Variants in FTO observed in about 807,000 individuals in gnomAD.
The protein encoded by FTO is alpha-ketoglutarate-dependent dioxygenase FTO.
A neutral mutation model predicts 63.9 loss-of-function variants in FTO; 47 were observed. That is an observed-to-expected ratio of 0.74 (90% confidence interval 0.58 to 0.94). The LOEUF is 0.94. FTO is among the 40% of genes least tolerant of loss of function. The probability of loss-of-function intolerance (pLI) is 0.00; values close to 1 mark genes in which losing one functional copy is unlikely to be tolerated. For missense variants in FTO, 562 were observed against 618.1 expected (o/e 0.91, Z 0.96); for synonymous variants, 207 against 224.4 (o/e 0.92, Z 0.69).
intron 8 of FTO, among the ~76,000 whole-genome samples, chr16:54,006,136 A>G (rs578139512): frequency 1.7e-3 from 257 of 152,328 alleles, no homozygotes; most frequent in Non-Finnish European, 3.4e-3. Flanking sequence ...GGGATTTTTT[A>G]GGAGAAAATT....
chr16:53,955,035 A>G (rs1280412896), intron 8 of FTO, among the ~76,000 whole-genome samples: 2 of 152,102 alleles, frequency 1.3e-5, no homozygotes, highest in Non-Finnish European at 2.9e-5. Flanking sequence ...CCAGTAAGAA[A>G]GTTTCTCCTG....
chr16:53,941,404 A>T (rs2082525743), intron 8 of FTO, among the ~76,000 whole-genome samples: 1 of 152,260 alleles, frequency 6.6e-6, no homozygotes, highest in Non-Finnish European at 1.5e-5. Flanking sequence ...GTCTGCCCTA[A>T]GGGAACTTAT....
intron 1 of FTO, among the ~76,000 whole-genome samples, chr16:53,713,778 A>G (rs2075831066): frequency 6.6e-6 from 1 of 152,220 alleles, no homozygotes; most frequent in Non-Finnish European, 1.5e-5. Flanking sequence ...TTTTAAGTGT[A>G]CAATAAAGTA....
intron 1 of FTO, 100 bp downstream of exon 1, chr16:53,704,329 A>T: frequency 8.7e-7 from 1 of 1,155,190 alleles, no homozygotes; most frequent in African/African-American, 1.5e-5. Context: ...GCGCGGTGTT[A>T]AACTAAGGGA....
chr16:53,974,208 G>GT, intron 8 of FTO, among the ~76,000 whole-genome samples: 1 of 152,224 alleles, frequency 6.6e-6, no homozygotes, highest in Admixed American at 6.5e-5. Context: ...CTACACCTCA[G>GT]TTTTTTTCAC....
At chr16:54,053,746 C>T (rs577811265) in intron 8 of FTO, among the ~76,000 whole-genome samples, 1 of 152,192 alleles carries the variant, frequency 6.6e-6, no homozygotes. Context: ...GGTTTCCTTA[C>T]ATCCCTCCCC....
chr16:54,052,907 G>A (rs1351506955), intron 8 of FTO, among the ~76,000 whole-genome samples: 1 of 152,032 alleles, frequency 6.6e-6, no homozygotes, highest in East Asian at 1.9e-4. Context: ...TCACCCTGTT[G>A]GCCAGGCTGG....
At chr16:53,789,806 G>GTA (rs1567987992) in intron 1 of FTO, among the ~76,000 whole-genome samples, 1 of 148,784 alleles carries the variant, frequency 6.7e-6, no homozygotes, top group African/African-American at 2.5e-5. Context: ...GTATACATGT[G>GTA]TACATGTATA....
chr16:53,995,526 G>A (rs1157387093), intron 8 of FTO, among the ~76,000 whole-genome samples: 1 of 152,150 alleles, frequency 6.6e-6, no homozygotes, highest in Non-Finnish European at 1.5e-5. Flanking sequence ...TGATATTTTG[G>A]TTTCACAGCC....
At chr16:53,919,497 C>A (rs553644550) in intron 7 of FTO, among the ~76,000 whole-genome samples, 3 of 152,052 alleles carry the variant, frequency 2.0e-5, no homozygotes, top group Non-Finnish European at 4.4e-5. Context: ...GAAAAGAATT[C>A]ATTATACAAA....
At chr16:54,063,536 T>A (rs1262197025) in intron 8 of FTO, 2 of 152,178 alleles carry the variant, frequency 1.3e-5, no homozygotes. Context: ...AGATCACAAA[T>A]GCCGTATGGT....
chr16:54,041,782 G>A (rs1386255511), intron 8 of FTO, among the ~76,000 whole-genome samples: 1 of 152,192 alleles, frequency 6.6e-6, no homozygotes, highest in African/African-American at 2.4e-5. Flanking sequence ...GCATTGCATA[G>A]TAAAGAATTG....
At chr16:53,856,761 C>A (rs1427534103) in intron 4 of FTO, among the ~76,000 whole-genome samples, 1 of 150,420 alleles carries the variant, frequency 6.6e-6, no homozygotes. Context: ...AAAAAAAAAA[C>A]AAGCATGGAG....
At chr16:54,109,287 G>C (rs1402726007) in intron 8 of FTO, among the ~76,000 whole-genome samples, 1 of 152,216 alleles carries the variant, frequency 6.6e-6, no homozygotes, top group African/African-American at 2.4e-5. Flanking sequence ...GTCAGAGCTT[G>C]CATGCAAAGG....
intron 1 of FTO, among the ~76,000 whole-genome samples, chr16:53,737,904 C>T (rs752142911): frequency 6.6e-6 from 1 of 152,066 alleles, no homozygotes; most frequent in Non-Finnish European, 1.5e-5. Context: ...TTCCACTTAG[C>T]ATGATGTTTT....
Position 53,984,544 on chromosome 16 carries a change from C to T in FTO, c.1364+50435C>T, listed in dbSNP as rs151004891. ...CCATGTTGCCTAGCCTGGTCTCAAA[C>T]TCCTGGGCTCAAGCCATCCTCCTGC... is the stretch of plus-strand genomic sequence containing the variant. On this transcript the variant is annotated intron_variant, in intron 8 of 8. Coordinates refer to ENST00000471389, the MANE Select transcript of FTO (RefSeq NM_001080432.3). Among the ~76,000 whole-genome samples, 388 of 152,050 alleles carry T rather than the reference C, an allele frequency of 2.6e-3. 1 individual carries two copies. The highest frequency in any genetic ancestry group is 5.8e-3 in the South Asian group (28 of 4,806).
Position 54,050,351 on chromosome 16 carries a change from T to C in FTO, c.1365-61411T>C, listed in dbSNP as rs533585269. On this transcript the variant is annotated intron_variant, in intron 8 of 8. Coordinates refer to ENST00000471389, the MANE Select transcript of FTO (RefSeq NM_001080432.3). ...GCCTTCTGTCATGCTGATGAGATTC[T>C]TCTAACTATCCATCTTGGAGATCAG... Among the ~76,000 whole-genome samples, 33 of 152,320 alleles carry C rather than the reference T, an allele frequency of 2.2e-4. No individual in the cohort carries two copies. In the South Asian group the frequency reaches 5.0e-3, roughly 23 times the overall value.
At chr16:53,717,199 T>G (rs2151479042) in intron 1 of FTO, among the ~76,000 whole-genome samples, 1 of 152,216 alleles carries the variant, frequency 6.6e-6, no homozygotes, top group South Asian at 2.1e-4. Flanking sequence ...TTTTTGGTTC[T>G]CATTGTCAAG....
At chr16:53,970,663 G>A (rs1040342300) in intron 8 of FTO, among the ~76,000 whole-genome samples, 3 of 151,906 alleles carry the variant, frequency 2.0e-5, no homozygotes, top group Non-Finnish European at 4.4e-5. Flanking sequence ...AAACAGGTGG[G>A]CACTTATGCT....
Sources: allele counts gnomAD v4.1 joint callset (sites outside exome capture counted in the v4.1 genomes callset), GRCh38; gene constraint gnomAD v4.1.1; transcripts MANE v1.5; gene names NCBI Gene and HGNC (gene_info 2026-07-23, HGNC 2026-07-21).